The following COL26A1 variants were observed in gnomAD, a reference collection of about 807,000 sequenced individuals.
The protein encoded by COL26A1 is collagen type XXVI alpha 1 chain.
A neutral mutation model predicts 59.3 loss-of-function variants in COL26A1; 41 were observed. The observed-to-expected ratio is 0.69, with a 90% CI of 0.54 to 0.90. The LOEUF (loss-of-function observed/expected upper bound fraction) is 0.90, where lower values mean the gene tolerates loss of function less well. Among genes scored for constraint, COL26A1 ranks in the 40% least tolerant of loss-of-function variants. The probability of loss-of-function intolerance (pLI) is 0.00; values close to 1 mark genes in which losing one functional copy is unlikely to be tolerated. For synonymous variants in COL26A1, 266 were observed against 256.0 expected, an observed-to-expected ratio of 1.04 and a Z score of -0.37; for missense variants, 612 against 602.3, an observed-to-expected ratio of 1.02 and a Z score of -0.17.
At chr7:101,418,209 C>T (rs1027347192) in intron 1 of COL26A1, among the ~76,000 whole-genome samples, 1 of 152,102 alleles carries the variant, frequency 6.6e-6, no homozygotes, top group African/African-American at 2.4e-5. Flanking sequence ...GGACCCGGGT[C>T]CTACCTGTCC....
intron 3 of COL26A1, among the ~76,000 whole-genome samples, chr7:101,494,064 G>A: frequency 6.6e-6 from 1 of 152,106 alleles, no homozygotes; most frequent in East Asian, 1.9e-4. Flanking sequence ...CAAGACAGTG[G>A]CAATAATTGT....
intron 3 of COL26A1, among the ~76,000 whole-genome samples, chr7:101,481,254 A>C (rs916028113): frequency 2.6e-5 from 4 of 152,078 alleles, no homozygotes; most frequent in African/African-American, 9.7e-5. Flanking sequence ...AAAACCCCAC[A>C]CTGAAACAGC....
chr7:101,453,398 G>A (rs376747990), intron 3 of COL26A1, among the ~76,000 whole-genome samples: 6 of 152,272 alleles, frequency 3.9e-5, no homozygotes, highest in South Asian at 2.1e-4. Flanking sequence ...GAGACCACTC[G>A]TATATGCAGT....
At chr7:101,550,379 T>C (rs564957472) in intron 9 of COL26A1, among the ~76,000 whole-genome samples, 1 of 152,296 alleles carries the variant, frequency 6.6e-6, no homozygotes, top group South Asian at 2.1e-4. Flanking sequence ...GAGGATGGCT[T>C]GAGCCCAGGA....
intron 3 of COL26A1, among the ~76,000 whole-genome samples, chr7:101,491,395 G>A (rs1407163528): frequency 2.0e-5 from 3 of 152,156 alleles, no homozygotes; most frequent in Non-Finnish European, 4.4e-5. Context: ...TGTGTTACAA[G>A]AAAGGGGTCC....
intron 3 of COL26A1, among the ~76,000 whole-genome samples, chr7:101,481,503 G>A (rs1794155933): frequency 1.3e-5 from 2 of 151,310 alleles, no homozygotes; most frequent in Non-Finnish European, 2.9e-5. Flanking sequence ...CCCGGCTGGA[G>A]TGCATGGCAC....
chr7:101,466,874 C>A (rs117963039), intron 3 of COL26A1, among the ~76,000 whole-genome samples: 13 of 148,066 alleles, frequency 8.8e-5, no homozygotes, highest in East Asian at 2.0e-4. Context: ...TTTCATGCAA[C>A]GTGAAGGGTC....
intron 5 of COL26A1, among the ~76,000 whole-genome samples, chr7:101,540,515 G>C (rs1349068618): frequency 6.7e-6 from 1 of 150,268 alleles, no homozygotes; most frequent in African/African-American, 2.5e-5. Context: ...TCCAGCCTGG[G>C]GGACAAGAGC....
At chr7:101,541,334 AATTTT>A (rs1370412033) in intron 5 of COL26A1, among the ~76,000 whole-genome samples, 2 of 151,916 alleles carry the variant, frequency 1.3e-5, no homozygotes, top group East Asian at 1.9e-4. Flanking sequence ...ACACTTTTAC[AATTTT>A]ATTTTATTTT....
chr7:101,523,192 C>T (rs1231430348), intron 3 of COL26A1, among the ~76,000 whole-genome samples: 5 of 151,972 alleles, frequency 3.3e-5, no homozygotes, highest in Non-Finnish European at 7.4e-5. Flanking sequence ...GCCTCAGTCT[C>T]CCGAGTAGCT....
At chr7:101,487,073 G>C (rs1794284442) in intron 3 of COL26A1, among the ~76,000 whole-genome samples, 1 of 152,186 alleles carries the variant, frequency 6.6e-6, no homozygotes, top group Non-Finnish European at 1.5e-5. Context: ...GAGACAGACA[G>C]GGAAGCTGGG....
chr7:101,366,647 T>G (rs947764854), intron 1 of COL26A1, among the ~76,000 whole-genome samples: 2 of 151,782 alleles, frequency 1.3e-5, no homozygotes, highest in African/African-American at 4.8e-5. Flanking sequence ...ACCATAGGCA[T>G]GGGCCACCAT....
At chr7:101,414,432 T>TGTG (rs1792324399) in intron 1 of COL26A1, among the ~76,000 whole-genome samples, 6 of 146,180 alleles carry the variant, frequency 4.1e-5, no homozygotes, top group African/African-American at 1.5e-4. Flanking sequence ...CACTCTGTGT[T>TGTG]TGTGTGTGTG....
chr7:101,546,828 T>A (rs574595709), intron 7 of COL26A1, among the ~76,000 whole-genome samples: 2 of 151,956 alleles, frequency 1.3e-5, no homozygotes, highest in South Asian at 4.2e-4. Flanking sequence ...AGGATGGGCC[T>A]GTGGGATGGA....
chr7:101,520,633 T>TACACAC lies in COL26A1; in HGVS notation c.386-12424_386-12419dup, dbSNP rs3073377. Among the ~76,000 whole-genome samples, 37 of 137,292 alleles carry TACACAC rather than the reference T, an allele frequency of 2.7e-4. 1 individual carries two copies. The highest frequency in any genetic ancestry group is 6.9e-4 in the African/African-American group (22 of 31,708). The allele number at this position is 137,292 out of a possible 152,430, so 90.1% of individuals were successfully genotyped here. On this transcript the variant is annotated intron_variant, in intron 3 of 12. Transcript: ENST00000313669. Reference sequence around the variant, plus strand: ...AGGTTGACAGACAAGCACAGACACATACACACACACACACACACACACACA... The same window carrying TACACAC: ...AGGTTGACAGACAAGCACAGACACATACACACACACACACACACACACACACACACA...
chr7:101,443,730 C>T (rs746947463), intron 2 of COL26A1, among the ~76,000 whole-genome samples: 1 of 151,974 alleles, frequency 6.6e-6, no homozygotes, highest in Non-Finnish European at 1.5e-5. Context: ...AAGCATCCAA[C>T]TTATGTGTAA....
intron 2 of COL26A1, among the ~76,000 whole-genome samples, chr7:101,438,089 A>G (rs190995431): frequency 6.6e-6 from 1 of 151,358 alleles, no homozygotes; most frequent in East Asian, 1.9e-4. Context: ...GAGCTGGGCG[A>G]GGTGGCTCAT....
Position 101,540,040 on chromosome 7 carries a change from G to T in COL26A1, c.595G>T (p.Gly199Cys). ...TGTGCCACGACAGAGAAGGCCCACG[G>T]GCCCAGCCGGTGAGTGAGGGCTGCA... ...HPVPRQRRPT[G>C]PAGPPGQTGP... is the part of the protein sequence containing the mutation. Residue 199 changes from glycine to cysteine, a missense_variant, in exon 5 of 13, where the codon GGC becomes TGC. Physicochemically the swap from Gly to Cys is radical, Grantham distance 159 (BLOSUM62 -3). Transcript: ENST00000313669. 1 of 1,612,280 alleles carries T rather than the reference G, an allele frequency of 6.2e-7. No individual in the cohort carries two copies. The highest frequency in any genetic ancestry group is 8.5e-7 in the Non-Finnish European group (1 of 1,179,416).
chr7:101,487,289 G>A (rs990349898), intron 3 of COL26A1, among the ~76,000 whole-genome samples: 9 of 152,150 alleles, frequency 5.9e-5, no homozygotes, highest in Non-Finnish European at 8.8e-5. Context: ...TAACCAGGCC[G>A]GGACTAAGAT....
Sources: gnomAD v4.1 joint callset for allele counts (sites outside exome capture counted in the v4.1 genomes callset) on GRCh38, gnomAD v4.1.1 for gene constraint, MANE v1.5 for transcripts, NCBI Gene and HGNC (gene_info 2026-07-23, HGNC 2026-07-21) for gene names.